The following MCTP1 variants were observed in gnomAD, a reference collection of about 807,000 sequenced individuals.
MCTP1 encodes multiple C2 and transmembrane domain containing 1.
Under a neutral mutation model 120.6 loss-of-function variants are expected in MCTP1, and 69 were observed. That is an observed-to-expected ratio of 0.57 (90% CI 0.47 to 0.70). The LOEUF (loss-of-function observed/expected upper bound fraction) is 0.70, where lower values mean the gene tolerates loss of function less well. Among genes scored for constraint, MCTP1 ranks in the 30% least tolerant of loss-of-function variants. The pLI is 0.00. For missense variants in MCTP1, 1,203 were observed against 1,248.8 expected (o/e 0.96, Z 0.55); for synonymous variants, 529 against 493.1 (o/e 1.07, Z -0.96).
chr5:94,732,219 T>C (rs1349048514), intron 19 of MCTP1, among the ~76,000 whole-genome samples: 1 of 152,224 alleles, frequency 6.6e-6, no homozygotes, highest in Admixed American at 6.5e-5. Context: ...TGTGCATCCA[T>C]CTAAAGCAAG....
intron 1 of MCTP1, among the ~76,000 whole-genome samples, chr5:95,044,850 G>A (rs994630934): frequency 5.9e-5 from 9 of 151,782 alleles, no homozygotes; most frequent in South Asian, 2.1e-4. Flanking sequence ...CATCCCTAAC[G>A]TGAATCAGGG....
Position 95,085,977 on chromosome 5 carries a change from G to A in MCTP1, c.721-68493C>T, listed in dbSNP as rs367738848. Among the ~76,000 whole-genome samples, 6 of 151,762 alleles carry A rather than the reference G, an allele frequency of 4.0e-5. No homozygotes were observed. The East Asian group carries it at 7.7e-4, about 19-fold the overall frequency. On this transcript the variant is annotated intron_variant, in intron 1 of 22. Coordinates refer to ENST00000515393, the MANE Select transcript of MCTP1 (RefSeq NM_024717.7). Reference sequence around the variant, plus strand: ...ATTGTTCTATTCCTTTGTCAATTATGAGAGTTATAGATATCACTCTTCTGT... The same window carrying A: ...ATTGTTCTATTCCTTTGTCAATTATAAGAGTTATAGATATCACTCTTCTGT...
chr5:95,006,623 C>T (rs926042558), intron 2 of MCTP1, among the ~76,000 whole-genome samples: 9 of 152,142 alleles, frequency 5.9e-5, no homozygotes, highest in African/African-American at 2.2e-4. Context: ...AAAAACACAA[C>T]ATGACAGGCC....
intron 19 of MCTP1, among the ~76,000 whole-genome samples, chr5:94,777,725 C>T (rs1159611373): frequency 6.6e-6 from 1 of 152,088 alleles, no homozygotes; most frequent in African/African-American, 2.4e-5. Context: ...AGCAATAAAT[C>T]ATATCATTTA....
rs149031040 is a variant in MCTP1 at position 95,078,767 on chromosome 5, G to A, written c.721-61283C>T. On this transcript the variant is annotated intron_variant, in intron 1 of 22. Coordinates refer to ENST00000515393, the MANE Select transcript of MCTP1 (RefSeq NM_024717.7). The stretch of plus-strand genomic sequence containing the variant: ...TTCTGGTCATTCTACTACTAATTGT[G>A]TGATGTCAGGAATAACTCATTTAAT... 1.9e-3 allele frequency among the ~76,000 whole-genome samples: 286 copies of A among 152,188 alleles called. 3 individuals carry two copies. The East Asian group carries it at 0.023, about 12-fold the overall frequency.
At chr5:94,792,988 T>A (rs958154928) in intron 18 of MCTP1, 1 of 152,200 alleles carries the variant, frequency 6.6e-6, no homozygotes, top group African/African-American at 2.4e-5. Flanking sequence ...GAAATTTCCA[T>A]TGAATTGGGC....
chr5:94,835,238 C>T (rs973225205), intron 17 of MCTP1, among the ~76,000 whole-genome samples: 1 of 152,188 alleles, frequency 6.6e-6, no homozygotes, highest in Non-Finnish European at 1.5e-5. Flanking sequence ...TGATTCTCTA[C>T]TATGATGTTG....
intron 1 of MCTP1, among the ~76,000 whole-genome samples, chr5:95,192,674 C>A (rs530796890): frequency 1.3e-5 from 2 of 152,000 alleles, no homozygotes; most frequent in African/African-American, 4.8e-5. Flanking sequence ...GTGCTTAAAG[C>A]CACATTTCAT....
At chr5:94,722,176 A>G (rs1761065039) in intron 19 of MCTP1, among the ~76,000 whole-genome samples, 1 of 152,198 alleles carries the variant, frequency 6.6e-6, no homozygotes, top group South Asian at 2.1e-4. Flanking sequence ...AGACCTAAAT[A>G]ATCAATAGGC....
intron 1 of MCTP1, among the ~76,000 whole-genome samples, chr5:95,192,468 C>T (rs1261540823): frequency 1.3e-5 from 2 of 151,898 alleles, no homozygotes; most frequent in East Asian, 3.9e-4. Context: ...GTGCCAACTT[C>T]TAGAGTACTG....
At chr5:94,755,871 A>G (rs1419208217) in intron 19 of MCTP1, among the ~76,000 whole-genome samples, 1 of 152,124 alleles carries the variant, frequency 6.6e-6, no homozygotes, top group Non-Finnish European at 1.5e-5. Context: ...TGAACTCTAG[A>G]TTTCTACTTC....
chr5:94,827,941 T>C (rs1035891406), intron 17 of MCTP1, among the ~76,000 whole-genome samples: 1 of 152,036 alleles, frequency 6.6e-6, no homozygotes, highest in Admixed American at 6.6e-5. Flanking sequence ...AGTTTGTTAT[T>C]ACCCACCTTC....
In MCTP1 at chr5:95,013,252, G is replaced by A. The variant is rs150186744; in HGVS notation, c.838+4115C>T. Among the ~76,000 whole-genome samples the A allele has an allele frequency of 5.2e-3, 787 of 152,188 alleles. 7 individuals are homozygous for A. Among genetic ancestry groups the A allele is most frequent in the African/African-American group, 0.018 (730 of 41,526 alleles). The stretch of plus-strand genomic sequence containing the variant: ...GAAGCTAGCAGAGATTGGTTCCTGA[G>A]GTTTAAGGAAAGAAGCCATCTCTAT... On this transcript the variant is annotated intron_variant, in intron 2 of 22. Transcript: ENST00000515393.
At chr5:95,121,966 C>T (rs1223500140) in intron 1 of MCTP1, among the ~76,000 whole-genome samples, 1 of 145,470 alleles carries the variant, frequency 6.9e-6, no homozygotes, top group African/African-American at 2.5e-5. Flanking sequence ...AGAAACTGTA[C>T]TCCTATCTCT....
chr5:94,810,777 C>T (rs79183013), intron 17 of MCTP1, among the ~76,000 whole-genome samples: 3 of 152,144 alleles, frequency 2.0e-5, no homozygotes, highest in Admixed American at 6.5e-5. Flanking sequence ...CAACTTATCA[C>T]GACTATCTTC....
chr5:94,824,390 A>G (rs918837296), intron 17 of MCTP1, among the ~76,000 whole-genome samples: 1 of 152,198 alleles, frequency 6.6e-6, no homozygotes, highest in African/African-American at 2.4e-5. Flanking sequence ...CCCAGGGATG[A>G]AGCTGACTTG....
chr5:95,050,026 G>A (rs939721208), intron 1 of MCTP1, among the ~76,000 whole-genome samples: 1 of 151,950 alleles, frequency 6.6e-6, no homozygotes, highest in African/African-American at 2.4e-5. Flanking sequence ...TGTGTTAGGT[G>A]ACCTCTACCC....
rs189655485 is a variant in MCTP1, at chr5:94,878,214, G to A, written c.1934-4973C>T. Among the ~76,000 whole-genome samples, 15 of 152,068 alleles carry A rather than the reference G, an allele frequency of 9.9e-5. No homozygotes were observed. The East Asian group carries it at 1.4e-3, about 14-fold the overall frequency. On this transcript the variant is annotated intron_variant, in intron 12 of 22. Transcript: ENST00000515393. ...ATGTTATAGTTGAGGGAATTCCATC[G>A]TGTCCACCAGAACAGAAAGCAGCAT...
intron 1 of MCTP1, among the ~76,000 whole-genome samples, chr5:95,258,323 C>A (rs1758105799): frequency 6.6e-6 from 1 of 152,140 alleles, no homozygotes; most frequent in Admixed American, 6.6e-5. Context: ...TCCCAAAAAC[C>A]CATGACTCCA....
Sources: gnomAD v4.1 joint callset for allele counts (sites outside exome capture counted in the v4.1 genomes callset) on GRCh38, gnomAD v4.1.1 for gene constraint, MANE v1.5 for transcripts, NCBI Gene and HGNC (gene_info 2026-07-23, HGNC 2026-07-21) for gene names.